MUC5B: variants seen among roughly 807,000 people sequenced by gnomAD.
MUC5B encodes the protein mucin 5B, oligomeric mucus/gel-forming.
A neutral mutation model predicts 376.9 loss-of-function variants in MUC5B; 116 were observed. The ratio of observed to expected loss-of-function variants is 0.31; its 90% CI spans 0.26 to 0.36. The LOEUF (loss-of-function observed/expected upper bound fraction) is 0.36, where lower values mean the gene tolerates loss of function less well. Among genes scored for constraint, MUC5B ranks in the 10% least tolerant of loss-of-function variants. MUC5B has a pLI of 1.00. For missense variants in MUC5B, 7,165 were observed against 7,769.9 expected (o/e 0.92, Z 2.93); for synonymous variants, 3,517 against 3,390.9 (o/e 1.04, Z -1.29).
At position 1,249,213 on chromosome 11, in the gene MUC5B, G is replaced by A; in HGVS notation, c.12333G>A (p.Leu4111=). The change falls in exon 31 of 49, where the codon CTG becomes CTA. Residue 4111 remains leucine, a synonymous_variant. Transcript: ENST00000529681. ...TPSKTRTSTL[L]PSSPTSAPIT... The stretch of plus-strand genomic sequence containing the variant: ...GCAAGACCCGCACCTCGACCCTGCT[G>A]CCCAGCAGCCCCACATCGGCCCCCA... 6.2e-7 allele frequency: 1 copy of A among 1,611,464 alleles called. No homozygotes were observed. Among genetic ancestry groups the A allele is most frequent in the Non-Finnish European group, 8.5e-7 (1 of 1,179,554 alleles).
chr11:1,258,119 C>T lies in MUC5B; in HGVS notation c.16471C>T (p.Pro5491Ser), dbSNP rs766767771. ...TVCVCNTTTC[P>S]QSLPVCPPGQ... ...CGCAGTGTGCAACACAACCACCTGC[C>T]CCCAGAGCCTGCCTGTGTGCCCGCC... is the stretch of plus-strand genomic sequence containing the variant. Residue 5491 changes from proline (P) to serine (S), a missense_variant, in exon 42 of 49, where the codon CCC (proline) becomes TCC (serine). Around this residue, in one of 31 missense-constraint regions of MUC5B, gnomAD observed 842 missense variants for 1,016.9 expected, o/e 0.83. Coordinates refer to ENST00000529681, the MANE Select transcript of MUC5B (RefSeq NM_002458.3). The surrounding 1 kb of genome is among the most constrained non-coding windows in gnomAD (Gnocchi z 5.5). 4.4e-6 allele frequency: 7 copies of T among 1,592,154 alleles called. No homozygotes were observed. The African/African-American group carries it at 9.4e-5, about 21-fold the overall frequency.
chr11:1,234,393 A>G lies in MUC5B; in HGVS notation c.2478+88A>G. 1 of 1,495,000 alleles carries G rather than the reference A, an allele frequency of 6.7e-7. No individual in the cohort carries two copies. Among genetic ancestry groups the G allele is most frequent in the Non-Finnish European group, 9.1e-7 (1 of 1,102,100 alleles). The allele number at this position is 1,495,000 out of a possible 1,614,324, so 92.6% of individuals were successfully genotyped here. ...GCCCAGGGATCTGGTGGTCCTGGAG[A>G]CACTTACCCACCTGGAAGCTCCGCC... is the stretch of plus-strand genomic sequence containing the variant. On this transcript the variant is annotated intron_variant, in intron 20 of 48. Coordinates refer to ENST00000529681, the MANE Select transcript of MUC5B (RefSeq NM_002458.3). This position sits in a 1 kb window ranked among gnomAD's most constrained non-coding sequence, Gnocchi z 6.3.
At position 1,227,463 on chromosome 11, in the gene MUC5B, G is replaced by T. The variant is rs989372794; in HGVS notation, c.667+65G>T. 4 of 1,316,720 alleles carry T rather than the reference G, an allele frequency of 3.0e-6. No homozygotes were observed. In the South Asian group the frequency reaches 5.0e-5, roughly 16 times the overall value. The allele number at this position is 1,316,720 out of a possible 1,614,324, so 81.6% of individuals were successfully genotyped here. ...TCGGCCAACGAAGAGCCACAGTCCC[G>T]GGGAGGCCGGGAGGGGGCGGAGTGG... On this transcript the variant is annotated intron_variant, in intron 6 of 48. Coordinates refer to ENST00000529681, the MANE Select transcript of MUC5B (RefSeq NM_002458.3).
rs772770376 is a variant in MUC5B, at chr11:1,244,974, G to C, written c.8094G>C (p.Thr2698=). Residue 2698 remains threonine (T), a synonymous_variant, in exon 31 of 49, where the codon ACG becomes ACC. Coordinates refer to ENST00000529681, the MANE Select transcript of MUC5B (RefSeq NM_002458.3). ...PSLTTTATTI[T]ATGSTTNPSS... ...TGACCACCACGGCCACTACGATCACGGCCACCGGCTCCACCACCAACCCCT... is the reference window on the plus strand; with the variant it reads ...TGACCACCACGGCCACTACGATCACCGCCACCGGCTCCACCACCAACCCCT... 6 of 1,553,230 alleles carry C rather than the reference G, an allele frequency of 3.9e-6. No homozygotes were observed. The highest frequency in any genetic ancestry group is 2.8e-5 in the African/African-American group (2 of 71,968).
chr11:1,244,160 C>A lies in MUC5B; in HGVS notation c.7280C>A (p.Ser2427Tyr). 1 of 1,613,416 alleles carries A rather than the reference C, an allele frequency of 6.2e-7. No homozygotes were observed. The highest frequency in any genetic ancestry group is 8.5e-7 in the Non-Finnish European group (1 of 1,179,722). Residue 2427 changes from serine (S) to tyrosine (Y), a missense_variant, in exon 31 of 49, where the codon TCC (serine) becomes TAC (tyrosine). Ser to Tyr is a moderately radical substitution (Grantham distance 144, BLOSUM62 -2). Around this residue, in one of 31 missense-constraint regions of MUC5B, gnomAD observed 194 missense variants for 268.5 expected, o/e 0.72. Coordinates refer to ENST00000529681, the MANE Select transcript of MUC5B (RefSeq NM_002458.3). ...GCCACCAGCTCTACGGCCATGCCCT[C>A]CTCCACTCCGGGGACGACCTGGATC... ...TPATSSTAMP[S>Y]STPGTTWILT...
chr11:1,253,901 G>A lies in MUC5B; in HGVS notation c.15218-191G>A, dbSNP rs1323943910. On this transcript the variant is annotated intron_variant, in intron 33 of 48. Coordinates refer to ENST00000529681, the MANE Select transcript of MUC5B (RefSeq NM_002458.3). This position sits in a 1 kb window ranked among gnomAD's most constrained non-coding sequence, Gnocchi z 4.3. ...GGCAAAGCCACATGCGGAGGTTCTG[G>A]GATAGCCATAGATTTTGGGGGACCC... Among the ~76,000 whole-genome samples, 2 of 152,156 alleles carry A rather than the reference G, an allele frequency of 1.3e-5. No individual in the cohort carries two copies. The highest frequency in any genetic ancestry group is 1.3e-4 in the Admixed American group (2 of 15,280).
rs757222026 is a variant in MUC5B, at chr11:1,229,775, G to A, written c.1188G>A (p.Pro396=). ...CCCACGGCGGCCGCACCTACAGCCC[G>A]GGCACCTCCTTCAACACCACCTGCA... The part of the protein sequence containing the change: ...PCTHGGRTYS[P]GTSFNTTCSS... The change falls in exon 10 of 49, where the codon CCG becomes CCA. Residue 396 remains proline, a synonymous_variant. Transcript: ENST00000529681. 13 of 1,601,506 alleles carry A rather than the reference G, an allele frequency of 8.1e-6. No homozygotes were observed. The highest frequency in any genetic ancestry group is 4.5e-5 in the East Asian group (2 of 44,164).
At chr11:1,260,780 C>T in intron 48 of MUC5B, 52 bp downstream of exon 48, 1 of 1,377,698 alleles carries the variant, frequency 7.3e-7, no homozygotes, top group Admixed American at 1.9e-5. Context: ...GGTGGGTCCG[C>T]CCTGGCCCGT....
chr11:1,235,596 G>A (rs1862139221), intron 23 of MUC5B, 183 bp downstream of exon 23: 1 of 617,760 alleles, frequency 1.6e-6, no homozygotes, highest in African/African-American at 1.8e-5. Context: ...CAGTCCTGGA[G>A]CCGGAAGTCA....
At position 1,258,027 on chromosome 11, in the gene MUC5B, A is replaced by G. The variant is rs1232396308; in HGVS notation, c.16451-72A>G. 4 of 1,431,530 alleles carry G rather than the reference A, an allele frequency of 2.8e-6. No homozygotes were observed. The highest frequency in any genetic ancestry group is 1.4e-5 in the African/African-American group (1 of 70,614). 88.7% of individuals were successfully genotyped at this position (1,431,530 alleles called of 1,614,324 possible). ...GTCCTCGGGGAAAAGCACGCCTGCG[A>G]CTTACTCTGGGAACAAGTGGTCGGG... On this transcript the variant is annotated intron_variant, in intron 41 of 48. Coordinates refer to ENST00000529681, the MANE Select transcript of MUC5B (RefSeq NM_002458.3). This position sits in a 1 kb window ranked among gnomAD's most constrained non-coding sequence, Gnocchi z 5.5.
At chr11:1,260,513 C>A in intron 47 of MUC5B, 113 bp from the exon 48 acceptor site, 1 of 1,466,108 alleles carries the variant, frequency 6.8e-7, no homozygotes, top group Non-Finnish European at 9.5e-7. Flanking sequence ...ACTCCACCCT[C>A]GGTCCTGGAG....
In MUC5B at chr11:1,226,879, G is replaced by A. The variant is rs761919539; in HGVS notation, c.461+3G>A. 1.1e-5 allele frequency: 17 copies of A among 1,603,182 alleles called. No individual in the cohort carries two copies. Among genetic ancestry groups the A allele is most frequent in the Admixed American group, 3.3e-5 (2 of 59,862 alleles). On this transcript the variant is annotated splice_donor_region_variant and intron_variant, in intron 4 of 48. Coordinates refer to ENST00000529681, the MANE Select transcript of MUC5B (RefSeq NM_002458.3). ...TCCGTCCTCATCAATGGGCAGCGGT[G>A]AGCCGGCCACCCTGGGGAGGGGCGA... is the stretch of plus-strand genomic sequence containing the variant.
At chr11:1,224,651 CAG>C (rs1390473209) in intron 1 of MUC5B, among the ~76,000 whole-genome samples, 2 of 151,852 alleles carry the variant, frequency 1.3e-5, no homozygotes, top group Admixed American at 6.6e-5. Context: ...GGCTGGCACA[CAG>C]GGGCAGGGCT....
At position 1,226,604 on chromosome 11, in the gene MUC5B, G is replaced by A. The variant is rs148720840; in HGVS notation, c.200-11G>A. 240 of 1,603,658 alleles carry A rather than the reference G, an allele frequency of 1.5e-4. 4 individuals are homozygous for A. In the African/African-American group the frequency reaches 1.8e-3, roughly 12 times the overall value. On this transcript the variant is annotated splice_polypyrimidine_tract_variant and intron_variant, in intron 3 of 48. Transcript: ENST00000529681. The stretch of plus-strand genomic sequence containing the variant: ...GGCATGGGGATGGGCCTCATCCCGC[G>A]CTCCCCACAGCCCTGAACCCGGCGC...
Position 1,257,498 on chromosome 11 carries a change from G to A in MUC5B, c.16270-32G>A. The A allele has an allele frequency of 6.2e-7, 1 of 1,600,578 alleles. No homozygotes were observed. Among genetic ancestry groups the A allele is most frequent in the Non-Finnish European group, 8.5e-7 (1 of 1,173,958 alleles). On this transcript the variant is annotated intron_variant, in intron 40 of 48. Transcript: ENST00000529681. This position sits in a 1 kb window ranked among gnomAD's most constrained non-coding sequence, Gnocchi z 8.9. ...CCAGGGTTGACCTGTGTCTGTCCAG[G>A]AGCCCTCAGGGACCCCCTTGATCCA...
Position 1,244,673 on chromosome 11 carries a change from C to G in MUC5B, c.7793C>G (p.Ser2598Cys), listed in dbSNP as rs1862399984. The stretch of plus-strand genomic sequence containing the variant: ...ACCGGCTCTGTGGCCACCCCCTCCT[C>G]CACCCCAGGAACAGCTCACACTACC... ...GATGSVATPS[S>C]TPGTAHTTKV... Residue 2598 changes from serine (S) to cysteine (C), a missense_variant, in exon 31 of 49, where the codon TCC (serine) becomes TGC (cysteine). Ser to Cys is a moderately radical substitution (Grantham distance 112). Transcript: ENST00000529681. 1 of 1,612,018 alleles carries G rather than the reference C, an allele frequency of 6.2e-7. No homozygotes were observed. The highest frequency in any genetic ancestry group is 1.3e-5 in the African/African-American group (1 of 74,782).
intron 3 of MUC5B, 121 bp from the exon 4 acceptor site, chr11:1,226,494 G>T: frequency 7.2e-7 from 1 of 1,393,100 alleles, no homozygotes; most frequent in Non-Finnish European, 9.7e-7. Context: ...GAGCCAGGCA[G>T]GGCACAGCCA....
rs2133847409 is a variant in MUC5B, at chr11:1,253,102, A to T, written c.15217+122A>T. 1,672 of 380,108 alleles carry T rather than the reference A, an allele frequency of 4.4e-3. No homozygotes were observed. The highest frequency in any genetic ancestry group is 0.01 in the East Asian group (143 of 14,262). The allele number at this position is 380,108 out of a possible 1,614,324, so 23.5% of individuals were successfully genotyped here. ...GGGGTGCAGTGGGGAATGGTGGGGCATGGTGGGGCATGGTGGGGTGCAGTG... is the reference window on the plus strand; with the variant it reads ...GGGGTGCAGTGGGGAATGGTGGGGCTTGGTGGGGCATGGTGGGGTGCAGTG... On this transcript the variant is annotated intron_variant, in intron 33 of 48. Transcript: ENST00000529681. This position sits in a 1 kb window ranked among gnomAD's most constrained non-coding sequence, Gnocchi z 4.3.
chr11:1,236,497 C>T lies in MUC5B; in HGVS notation c.2992C>T (p.His998Tyr). 6.2e-7 allele frequency: 1 copy of T among 1,613,148 alleles called. No individual in the cohort carries two copies. The highest frequency in any genetic ancestry group is 1.3e-5 in the African/African-American group (1 of 75,054). Residue 998 changes from histidine to tyrosine, a missense_variant, in exon 24 of 49, where the codon CAC (histidine) becomes TAC (tyrosine). His to Tyr is a moderately conservative substitution (Grantham distance 83, BLOSUM62 2). Around this residue, in one of 31 missense-constraint regions of MUC5B, gnomAD observed 530 missense variants for 604.0 expected, o/e 0.88. Transcript: ENST00000529681. ...YMGIFLVIET[H>Y]GMAVSWDRKT... ...GGGGATCTTCCTGGTCATCGAGACCCACGGGATGGCCGTGTCCTGGGACCG... is the reference window on the plus strand; with the variant it reads ...GGGGATCTTCCTGGTCATCGAGACCTACGGGATGGCCGTGTCCTGGGACCG...
Sources: allele counts gnomAD v4.1 joint callset (sites outside exome capture counted in the v4.1 genomes callset), GRCh38; gene constraint gnomAD v4.1.1; regional missense constraint gnomAD v4.1.1; non-coding constraint Gnocchi (gnomAD v3.1); transcripts MANE v1.5; gene names NCBI Gene and HGNC (gene_info 2026-07-23, HGNC 2026-07-21).